UQCC1: variants seen among roughly 807,000 people sequenced by gnomAD.
The protein encoded by UQCC1 is ubiquinol-cytochrome c reductase complex assembly factor 1.
In UQCC1, 38 loss-of-function variants were observed where a neutral mutation model predicts 48.0. The ratio of observed to expected loss-of-function variants is 0.79; its 90% CI spans 0.61 to 1.04. The LOEUF (loss-of-function observed/expected upper bound fraction) is 1.04. Ranked by LOEUF, UQCC1 falls within the 50% of genes least tolerant of loss-of-function variation. UQCC1 has a pLI of 0.00. For synonymous variants in UQCC1, 111 were observed against 129.2 expected (o/e 0.86, Z 0.95); for missense variants, 368 against 381.8 (o/e 0.96, Z 0.30).
intron 6 of UQCC1, among the ~76,000 whole-genome samples, chr20:35,354,993 A>G (rs889053876): frequency 6.6e-6 from 1 of 152,154 alleles, no homozygotes; most frequent in African/African-American, 2.4e-5. Context: ...CTATGCATAC[A>G]TTATGGCACG....
chr20:35,310,477 T>C (rs980056408), intron 8 of UQCC1, among the ~76,000 whole-genome samples: 6 of 151,546 alleles, frequency 4.0e-5, no homozygotes, highest in Non-Finnish European at 2.9e-5. Context: ...ACCCTGTCTC[T>C]ACGAAAAATA....
At chr20:35,349,722 G>A (rs1248500070) in intron 6 of UQCC1, among the ~76,000 whole-genome samples, 2 of 152,190 alleles carry the variant, frequency 1.3e-5, no homozygotes, top group African/African-American at 4.8e-5. Flanking sequence ...ATCAGGTCAG[G>A]CCTGGTGGTT....
chr20:35,387,987 A>AT lies in UQCC1; in HGVS notation c.130-3855dup, dbSNP rs34545001. 7.4e-3 allele frequency among the ~76,000 whole-genome samples: 1,028 copies of AT among 139,670 alleles called. 8 individuals carry two copies. Among genetic ancestry groups the AT allele is most frequent in the African/African-American group, 0.016 (602 of 38,192 alleles). 91.6% of individuals were successfully genotyped at this position (139,670 alleles called of 152,430 possible). A position where few individuals can be genotyped will look rare whatever the true frequency, so the allele number is the denominator to read the frequency against. Reference sequence around the variant, plus strand: ...ACAATCTTATAAAGTATATTTTCCTATTTTTTTTTTTTTTGAGACGGAGTC... The same window carrying AT: ...ACAATCTTATAAAGTATATTTTCCTATTTTTTTTTTTTTTTGAGACGGAGTC... On this transcript the variant is annotated intron_variant, in intron 2 of 9. Coordinates refer to ENST00000374385, the MANE Select transcript of UQCC1 (RefSeq NM_018244.5).
intron 7 of UQCC1, among the ~76,000 whole-genome samples, chr20:35,320,271 A>G (rs2061108492): frequency 6.6e-6 from 1 of 152,202 alleles, no homozygotes; most frequent in Admixed American, 6.5e-5. Context: ...CCAAGTGCCA[A>G]TAACTGTGCT....
intron 6 of UQCC1, among the ~76,000 whole-genome samples, chr20:35,364,902 C>T (rs1188681214): frequency 6.6e-6 from 1 of 152,210 alleles, no homozygotes; most frequent in Non-Finnish European, 1.5e-5. Context: ...GTCTTTCATA[C>T]AGGTTCTGAA....
chr20:35,395,010 AG>A (rs1184214570), intron 1 of UQCC1, among the ~76,000 whole-genome samples: 8 of 152,196 alleles, frequency 5.3e-5, no homozygotes, highest in African/African-American at 1.9e-4. Flanking sequence ...GATACACCTC[AG>A]GAACAGCCAA....
intron 2 of UQCC1, among the ~76,000 whole-genome samples, chr20:35,389,362 AGGCCATCCT>A (rs1448713015): frequency 6.6e-6 from 1 of 152,090 alleles, no homozygotes; most frequent in Non-Finnish European, 1.5e-5. Flanking sequence ...CAGGAGATGA[AGGCCATCCT>A]GGCCAACACG....
At chr20:35,353,321 C>T (rs1359674378) in intron 6 of UQCC1, among the ~76,000 whole-genome samples, 3 of 150,534 alleles carry the variant, frequency 2.0e-5, no homozygotes, top group Non-Finnish European at 3.0e-5. Context: ...CACTTGAACC[C>T]GGAGGTGGAG....
At chr20:35,394,959 C>T (rs1307309227) in intron 1 of UQCC1, among the ~76,000 whole-genome samples, 1 of 152,110 alleles carries the variant, frequency 6.6e-6, no homozygotes, top group Non-Finnish European at 1.5e-5. Context: ...TGGCTCAACT[C>T]GGGGAGGCAC....
intron 1 of UQCC1, among the ~76,000 whole-genome samples, chr20:35,405,445 T>C (rs898726248): frequency 6.6e-6 from 1 of 152,056 alleles, no homozygotes; most frequent in African/African-American, 2.4e-5. Context: ...TTATAAAACA[T>C]GCAAAGAAAC....
At chr20:35,353,328 G>A (rs1234876916) in intron 6 of UQCC1, among the ~76,000 whole-genome samples, 2 of 151,358 alleles carry the variant, frequency 1.3e-5, no homozygotes, top group African/African-American at 4.9e-5. Flanking sequence ...ACCCGGAGGT[G>A]GAGGTTTCAG....
chr20:35,410,697 T>A (rs1393746658), intron 1 of UQCC1, among the ~76,000 whole-genome samples: 1 of 1,208 alleles, frequency 8.3e-4, no homozygotes, highest in East Asian at 0.17. Context: ...AGAGCAAGAC[T>A]CTGCCTCAAA....
intron 7 of UQCC1, among the ~76,000 whole-genome samples, chr20:35,334,426 T>C (rs1454347790): frequency 6.6e-6 from 1 of 152,184 alleles, no homozygotes. Context: ...CAAACATTGT[T>C]TGTCTTCTCA....
chr20:35,409,162 T>C (rs1456865791), intron 1 of UQCC1, among the ~76,000 whole-genome samples: 2 of 152,144 alleles, frequency 1.3e-5, no homozygotes, highest in Admixed American at 6.6e-5. Flanking sequence ...ACCACAGAAC[T>C]GTACACTTAA....
chr20:35,378,204 G>T (rs1384096240), intron 4 of UQCC1, among the ~76,000 whole-genome samples: 1 of 152,116 alleles, frequency 6.6e-6, no homozygotes, highest in Non-Finnish European at 1.5e-5. Flanking sequence ...TAAAAGAGAG[G>T]CACCTTGAAC....
chr20:35,319,477 T>A (rs952140400), intron 7 of UQCC1, among the ~76,000 whole-genome samples: 1 of 152,198 alleles, frequency 6.6e-6, no homozygotes, highest in Admixed American at 6.5e-5. Context: ...ATATTTGCCA[T>A]GCACTTTTTA....
chr20:35,348,415 A>T (rs1456308788), intron 6 of UQCC1, among the ~76,000 whole-genome samples: 1 of 151,540 alleles, frequency 6.6e-6, no homozygotes, highest in Non-Finnish European at 1.5e-5. Context: ...TTTGAGACGG[A>T]GTCTCGCTCT....
At chr20:35,367,261 A>G (rs1207978140) in intron 5 of UQCC1, among the ~76,000 whole-genome samples, 1 of 151,928 alleles carries the variant, frequency 6.6e-6, no homozygotes, top group East Asian at 1.9e-4. Context: ...GATGATTTCT[A>G]TGGTTCCTTC....
chr20:35,367,098 AAAAAAAAAAAACAAAC>A (rs1031553493), intron 5 of UQCC1, among the ~76,000 whole-genome samples: 3 of 150,896 alleles, frequency 2.0e-5, no homozygotes, highest in Non-Finnish European at 3.0e-5. Flanking sequence ...TGTCTAAAAA[AAAAAAAAAAAACAAAC>A]AAAAAAACAA....
Sources: allele counts gnomAD v4.1 joint callset (sites outside exome capture counted in the v4.1 genomes callset), GRCh38; gene constraint gnomAD v4.1.1; transcripts MANE v1.5; gene names NCBI Gene and HGNC (gene_info 2026-07-23, HGNC 2026-07-21).